Variants in ADAM10 observed in about 807,000 individuals in gnomAD.
ADAM10 encodes disintegrin and metalloproteinase domain-containing protein 10.
A neutral mutation model predicts 90.1 loss-of-function variants in ADAM10; 17 were observed. The observed-to-expected ratio is 0.19, with a 90% CI of 0.13 to 0.28. ADAM10 has a LOEUF of 0.28. Among genes scored for constraint, ADAM10 ranks in the 10% least tolerant of loss-of-function variants. The pLI is 1.00. For synonymous variants in ADAM10, 310 were observed against 298.6 expected, an observed-to-expected ratio of 1.04 and a Z score of -0.40; for missense variants, 610 against 914.3, an observed-to-expected ratio of 0.67 and a Z score of 4.29.
At chr15:58,730,435 C>A (rs1899198359) in intron 1 of ADAM10, among the ~76,000 whole-genome samples, 1 of 152,184 alleles carries the variant, frequency 6.6e-6, no homozygotes, top group African/African-American at 2.4e-5. Context: ...CGAAGTATTA[C>A]AAAATGTTAC....
At chr15:58,613,984 AAGG>A (rs1395733650) in intron 11 of ADAM10, among the ~76,000 whole-genome samples, 30 of 152,170 alleles carry the variant, frequency 2.0e-4, no homozygotes, top group African/African-American at 7.2e-4. Context: ...AAAGCTACAG[AAGG>A]AGAAGAGATT....
At chr15:58,628,930 C>T (rs1896024623) in intron 9 of ADAM10, among the ~76,000 whole-genome samples, 1 of 152,202 alleles carries the variant, frequency 6.6e-6, no homozygotes, top group African/African-American at 2.4e-5. Context: ...CACCTTTATT[C>T]TTCCTGATAC....
chr15:58,639,939 T>C (rs1707032124), intron 8 of ADAM10, among the ~76,000 whole-genome samples: 1 of 152,152 alleles, frequency 6.6e-6, no homozygotes, highest in Admixed American at 6.5e-5. Context: ...GGAGAATCTG[T>C]TGTATATAGC....
At chr15:58,613,105 G>A (rs568729060) in intron 11 of ADAM10, among the ~76,000 whole-genome samples, 1 of 152,186 alleles carries the variant, frequency 6.6e-6, no homozygotes, top group East Asian at 1.9e-4. Flanking sequence ...CGTTGCCACT[G>A]AGGACATTAA....
chr15:58,694,375 CAGG>C (rs1163006086), intron 2 of ADAM10, among the ~76,000 whole-genome samples: 7 of 151,914 alleles, frequency 4.6e-5, no homozygotes, highest in Non-Finnish European at 7.4e-5. Flanking sequence ...TGCTTGAACC[CAGG>C]AGGAGGAGGT....
intron 4 of ADAM10, among the ~76,000 whole-genome samples, chr15:58,667,751 A>C (rs1016439950): frequency 1.3e-5 from 2 of 151,970 alleles, no homozygotes; most frequent in African/African-American, 4.8e-5. Context: ...AGTAGAAGAA[A>C]GGATAGGCTT....
chr15:58,645,465 T>C (rs1417350161), intron 6 of ADAM10, among the ~76,000 whole-genome samples: 2 of 152,166 alleles, frequency 1.3e-5, no homozygotes, highest in South Asian at 4.1e-4. Context: ...AGGGAAGAAC[T>C]ACCTAGCTTT....
chr15:58,628,342 G>C (rs954222123), intron 9 of ADAM10, among the ~76,000 whole-genome samples: 3 of 152,060 alleles, frequency 2.0e-5, no homozygotes, highest in African/African-American at 7.2e-5. Context: ...CACAGAACAG[G>C]AATCTAAGAC....
At chr15:58,708,470 C>A (rs575378783) in intron 2 of ADAM10, among the ~76,000 whole-genome samples, 1 of 151,818 alleles carries the variant, frequency 6.6e-6, no homozygotes, top group African/African-American at 2.4e-5. Context: ...GAGACCGGCC[C>A]GGGCAACACA....
chr15:58,655,945 C>T (rs1228670938), intron 5 of ADAM10, among the ~76,000 whole-genome samples: 2 of 151,078 alleles, frequency 1.3e-5, no homozygotes, highest in Non-Finnish European at 2.9e-5. Context: ...CAGGATTTCG[C>T]CATGTTGGCC....
At chr15:58,740,478 CATG>C in intron 1 of ADAM10, among the ~76,000 whole-genome samples, 2 of 152,018 alleles carry the variant, frequency 1.3e-5, no homozygotes, top group South Asian at 4.2e-4. Context: ...ACAGGAATGA[CATG>C]ATTTCATTTT....
intron 6 of ADAM10, among the ~76,000 whole-genome samples, chr15:58,644,575 A>G (rs73426520): frequency 6.6e-5 from 10 of 152,002 alleles, no homozygotes; most frequent in African/African-American, 2.2e-4. Flanking sequence ...TGTTTCCTCA[A>G]TCCAATCCTA....
chr15:58,690,168 A>C (rs185163587), intron 2 of ADAM10, among the ~76,000 whole-genome samples: 15 of 152,302 alleles, frequency 9.8e-5, no homozygotes, highest in Non-Finnish European at 1.5e-4. Context: ...GTACAGAAAA[A>C]GCATCTAACA....
chr15:58,737,033 A>G (rs1475523197), intron 1 of ADAM10, among the ~76,000 whole-genome samples: 6 of 152,126 alleles, frequency 3.9e-5, no homozygotes, highest in Non-Finnish European at 7.4e-5. Context: ...GGTTCTAAGA[A>G]ATAGAAAAAA....
rs1344385209 is a variant in ADAM10 at position 58,597,035 on chromosome 15, G to A, written c.*512C>T. On this transcript the variant is annotated 3_prime_UTR_variant, in exon 16 of 16. Transcript: ENST00000260408. ...TATAATACAAAGAAACATCCATATT[G>A]CAATTTCTGTTTACAATTGCACACA... The A allele has an allele frequency of 5.6e-6, 1 of 178,416 alleles. No homozygotes were observed. Among genetic ancestry groups the A allele is most frequent in the Admixed American group, 5.6e-5 (1 of 17,970 alleles). 11.1% of individuals were successfully genotyped at this position (178,416 alleles called of 1,614,324 possible). A position where few individuals can be genotyped will look rare whatever the true frequency, so the allele number is the denominator to read the frequency against.
chr15:58,619,620 AG>A, intron 11 of ADAM10, among the ~76,000 whole-genome samples: 1 of 152,158 alleles, frequency 6.6e-6, no homozygotes, highest in East Asian at 1.9e-4. Context: ...AAAATGGAAT[AG>A]GGGCCGGGTG....
intron 1 of ADAM10, among the ~76,000 whole-genome samples, chr15:58,733,970 T>A (rs1354217581): frequency 4.0e-5 from 6 of 151,292 alleles, no homozygotes; most frequent in Non-Finnish European, 8.8e-5. Flanking sequence ...GTTTTAGAAA[T>A]CCAATATATT....
intron 9 of ADAM10, among the ~76,000 whole-genome samples, chr15:58,630,650 CACAATAAATATTTCAGATAGGATAAAT>C (rs1483588571): frequency 6.6e-6 from 1 of 151,956 alleles, no homozygotes; most frequent in Non-Finnish European, 1.5e-5. Context: ...ATAATAGGTG[CACAATAAATATTTCAGATAGGATAAAT>C]ACATTTAAGA....
At position 58,620,660 on chromosome 15, in the gene ADAM10, ATT is replaced by A. The variant is rs570842513; in HGVS notation, c.1511+809_1511+810del. Among the ~76,000 whole-genome samples the A allele has an allele frequency of 3.4e-5, 2 of 59,442 alleles. 1 individual carries two copies. Among genetic ancestry groups the A allele is most frequent in the Non-Finnish European group, 4.7e-5 (2 of 42,696 alleles). The allele number at this position is 59,442 out of a possible 152,430, so 39.0% of individuals were successfully genotyped here. On this transcript the variant is annotated intron_variant, in intron 11 of 15. Transcript: ENST00000260408. ...CACAATAAGTAACTAAAGAATATGTATTTTTTTTTTTTTTTTTTTGAGACGGA... is the reference window on the plus strand; with the variant it reads ...CACAATAAGTAACTAAAGAATATGTATTTTTTTTTTTTTTTTTGAGACGGA...
Sources: allele counts gnomAD v4.1 joint callset (sites outside exome capture counted in the v4.1 genomes callset), GRCh38; gene constraint gnomAD v4.1.1; transcripts MANE v1.5; gene names NCBI Gene and HGNC (gene_info 2026-07-23, HGNC 2026-07-21).